Variants in SPOCK3 observed in about 807,000 individuals in gnomAD.
SPOCK3 encodes testican-3.
Under a neutral mutation model 56.6 loss-of-function variants are expected in SPOCK3, and 30 were observed. That is an observed-to-expected ratio of 0.53 (90% CI 0.40 to 0.72). SPOCK3 has a LOEUF of 0.72. SPOCK3 is among the 30% of genes least tolerant of loss of function. SPOCK3 has a pLI of 0.00. For missense variants in SPOCK3, 527 were observed against 530.0 expected (o/e 0.99, Z 0.06); for synonymous variants, 196 against 183.3 (o/e 1.07, Z -0.56).
At chr4:167,172,055 C>A (rs2150468792) in intron 2 of SPOCK3, among the ~76,000 whole-genome samples, 1 of 152,190 alleles carries the variant, frequency 6.6e-6, no homozygotes, top group African/African-American at 2.4e-5. Flanking sequence ...GGAAGGACAG[C>A]AAAAGTCAGC....
intron 3 of SPOCK3, among the ~76,000 whole-genome samples, chr4:167,031,007 T>C (rs1426730182): frequency 6.6e-6 from 1 of 152,102 alleles, no homozygotes; most frequent in Admixed American, 6.6e-5. Context: ...ATATTTCATA[T>C]ATAGCATCAT....
intron 2 of SPOCK3, among the ~76,000 whole-genome samples, chr4:167,191,475 T>C (rs1732465740): frequency 6.9e-6 from 1 of 145,702 alleles, no homozygotes; most frequent in Admixed American, 7.1e-5. Context: ...CTTTCATCAA[T>C]ATCTTAGTTT....
intron 4 of SPOCK3, among the ~76,000 whole-genome samples, chr4:166,918,645 A>C (rs1054296364): frequency 6.6e-6 from 1 of 152,152 alleles, no homozygotes; most frequent in Non-Finnish European, 1.5e-5. Context: ...CAAAAAAACA[A>C]TTTTTAAACA....
At chr4:166,966,649 C>T (rs1046736970) in intron 4 of SPOCK3, among the ~76,000 whole-genome samples, 17 of 152,064 alleles carry the variant, frequency 1.1e-4, no homozygotes, top group Admixed American at 8.5e-4. Context: ...TCGTTTGTTG[C>T]CACTGCCTTG....
chr4:167,191,249 T>C (rs1215724031), intron 2 of SPOCK3, among the ~76,000 whole-genome samples: 1 of 145,754 alleles, frequency 6.9e-6, no homozygotes, highest in Non-Finnish European at 1.5e-5. Flanking sequence ...TTTTTTATTA[T>C]TGAACAAAAA....
chr4:167,064,360 A>G (rs540622043), intron 2 of SPOCK3, among the ~76,000 whole-genome samples: 22 of 151,988 alleles, frequency 1.4e-4, no homozygotes, highest in Non-Finnish European at 2.4e-4. Context: ...AGAAAGGATA[A>G]TGCTACTGGA....
At chr4:166,840,715 C>T (rs1747145281) in intron 6 of SPOCK3, among the ~76,000 whole-genome samples, 1 of 148,542 alleles carries the variant, frequency 6.7e-6, no homozygotes, top group Admixed American at 6.7e-5. Flanking sequence ...TTTCTAGTTG[C>T]ACTTAAGAGA....
At chr4:167,078,308 CTGTGTGTGTGTGTGTGTGTGTGTGTGTG>C (rs3082377) in intron 2 of SPOCK3, among the ~76,000 whole-genome samples, 4,865 of 105,118 alleles carry the variant, frequency 0.046, 320 homozygotes, top group African/African-American at 0.15. Context: ...GGTCATAACT[CTGTGTGTGTGTGTGTGTGTGTGTGTGTG>C]TGTGTGTGTG....
chr4:167,044,500 C>A (rs1753539193), intron 3 of SPOCK3, among the ~76,000 whole-genome samples: 1 of 151,872 alleles, frequency 6.6e-6, no homozygotes, highest in African/African-American at 2.4e-5. Flanking sequence ...TACTAAGAGC[C>A]TGTAAGACTG....
intron 2 of SPOCK3, among the ~76,000 whole-genome samples, chr4:167,190,744 A>G (rs1473136846): frequency 6.8e-6 from 1 of 145,998 alleles, no homozygotes. Context: ...TGACTGTTTC[A>G]GATTTTACTT....
chr4:166,739,753 A>C (rs576514369), intron 9 of SPOCK3, among the ~76,000 whole-genome samples: 5 of 151,556 alleles, frequency 3.3e-5, no homozygotes, highest in Non-Finnish European at 7.4e-5. Context: ...GGTGAAATTT[A>C]AAAAATAAAT....
At chr4:166,924,768 G>A (rs1738888983) in intron 4 of SPOCK3, among the ~76,000 whole-genome samples, 1 of 152,202 alleles carries the variant, frequency 6.6e-6, no homozygotes, top group Non-Finnish European at 1.5e-5. Flanking sequence ...AACCGACCTG[G>A]AAAATGCTGC....
chr4:166,935,160 C>T (rs1307846532), intron 4 of SPOCK3, among the ~76,000 whole-genome samples: 4 of 152,146 alleles, frequency 2.6e-5, no homozygotes, highest in African/African-American at 9.7e-5. Flanking sequence ...GCTTGGCCAC[C>T]TGTACTTTCC....
chr4:167,041,706 C>T (rs1265824212), intron 3 of SPOCK3, among the ~76,000 whole-genome samples: 2 of 152,104 alleles, frequency 1.3e-5, no homozygotes, highest in Non-Finnish European at 2.9e-5. Flanking sequence ...AGGATGACTA[C>T]AGCAAATAAC....
intron 3 of SPOCK3, among the ~76,000 whole-genome samples, chr4:167,042,638 A>T (rs985229749): frequency 6.6e-6 from 1 of 152,154 alleles, no homozygotes; most frequent in Non-Finnish European, 1.5e-5. Flanking sequence ...AGTAATTCAT[A>T]TTTAGGACAG....
At chr4:166,766,686 A>G (rs1373687724) in intron 7 of SPOCK3, among the ~76,000 whole-genome samples, 1 of 152,142 alleles carries the variant, frequency 6.6e-6, no homozygotes, top group Admixed American at 6.6e-5. Context: ...TTGGTATCAC[A>G]ATGATGCTGA....
chr4:166,769,137 C>G lies in SPOCK3; in HGVS notation c.710-14408G>C, dbSNP rs189379186. 5.5e-3 allele frequency among the ~76,000 whole-genome samples: 832 copies of G among 152,170 alleles called. 8 individuals are homozygous for G. Among genetic ancestry groups the G allele is most frequent in the African/African-American group, 0.019 (779 of 41,478 alleles). ...CTTCTTTTTGTTGGGTTCAAACTTC[C>G]TCCTTTAGCTCGGAGAAGTTTGAGT... is the stretch of plus-strand genomic sequence containing the variant. On this transcript the variant is annotated intron_variant, in intron 7 of 10. Coordinates refer to ENST00000357545, the MANE Select transcript of SPOCK3 (RefSeq NM_001040159.2).
At chr4:166,807,919 A>C (rs1298330047) in intron 6 of SPOCK3, among the ~76,000 whole-genome samples, 6 of 152,118 alleles carry the variant, frequency 3.9e-5, no homozygotes, top group African/African-American at 1.2e-4. Flanking sequence ...TTTTGATAGC[A>C]TGTCAATGAC....
chr4:166,850,773 G>A (rs961959495), intron 6 of SPOCK3, among the ~76,000 whole-genome samples: 2 of 152,208 alleles, frequency 1.3e-5, no homozygotes, highest in African/African-American at 4.8e-5. Flanking sequence ...CTTAAAAAAC[G>A]GTGCAACAGG....
Sources: allele counts gnomAD v4.1 joint callset (sites outside exome capture counted in the v4.1 genomes callset), GRCh38; gene constraint gnomAD v4.1.1; transcripts MANE v1.5; gene names NCBI Gene and HGNC (gene_info 2026-07-23, HGNC 2026-07-21).